Variants in KRTAP4-9 observed in about 807,000 individuals in gnomAD.
The protein encoded by KRTAP4-9 is keratin-associated protein 4-9.
KRTAP4-9 carries 4 observed loss-of-function variants against 4.3 expected under a neutral mutation model. The observed-to-expected ratio is 0.94, with a 90% CI of 0.46 to 2.15. KRTAP4-9 has a LOEUF of 2.15. Among genes scored for constraint, KRTAP4-9 ranks in the 30% most tolerant of loss-of-function variants. KRTAP4-9 has a pLI of 0.02. For synonymous variants in KRTAP4-9, 111 were observed against 99.2 expected, an observed-to-expected ratio of 1.12 and a Z score of -0.70; for missense variants, 297 against 278.5, an observed-to-expected ratio of 1.07 and a Z score of -0.47.
At chr17:41,105,763 T>C (rs376253266) in exon 1 of KRTAP4-9, 50,302 of 1,577,458 alleles carry the variant, frequency 0.032, 914 homozygotes, top group South Asian at 0.052. Context: ...CCAGCTGCTG[T>C]CGCCCCAGCT....
chr17:41,106,333 T>C (rs1288239071), exon 1 of KRTAP4-9: 2 of 495,396 alleles, frequency 4.0e-6, no homozygotes, highest in Non-Finnish European at 7.1e-6. Context: ...ACAGATCTTC[T>C]TCTCAGTGAG....
exon 1 of KRTAP4-9, chr17:41,106,316 T>A: frequency 1.8e-6 from 1 of 564,994 alleles, no homozygotes; most frequent in Non-Finnish European, 3.1e-6. Context: ...CTTTATCACT[T>A]TGAGGTACAG....
exon 1 of KRTAP4-9, chr17:41,106,184 C>T: frequency 2.4e-6 from 3 of 1,246,288 alleles, no homozygotes; most frequent in Non-Finnish European, 2.2e-6. Flanking sequence ...TCTTTGAGAA[C>T]ATTCTGATTC....
chr17:41,105,703 T>A lies in KRTAP4-9; in HGVS notation c.315T>A (p.Cys105Ter). 1 of 1,559,020 alleles carries A rather than the reference T, an allele frequency of 6.4e-7. No homozygotes were observed. Residue 105 changes from cysteine to a stop codon, truncating the protein, a stop_gained, in exon 1 of 1, where the codon TGT becomes TGA. Coordinates refer to ENST00000391415, the Ensembl canonical transcript of KRTAP4-9. LOFTEE classifies it low-confidence loss of function (END_TRUNC). ...CTGCGTGCTGCCAACCCACTTGCTG[T>A]CGCCCCAGCTGCTGTGAGACGACCT...
exon 1 of KRTAP4-9, chr17:41,105,472 C>T: frequency 6.2e-7 from 1 of 1,603,334 alleles, no homozygotes; most frequent in Non-Finnish European, 8.5e-7. Context: ...GCCGCCCCAG[C>T]TGCTGTGAGA....
At chr17:41,106,309 T>G in exon 1 of KRTAP4-9, 1 of 583,858 alleles carries the variant, frequency 1.7e-6, no homozygotes, top group South Asian at 2.8e-5. Flanking sequence ...TCATTTTCTT[T>G]ATCACTTTGA....
chr17:41,106,206 C>T, exon 1 of KRTAP4-9: 1 of 1,116,510 alleles, frequency 9.0e-7, no homozygotes, highest in Non-Finnish European at 1.2e-6. Context: ...TTTTAAACTC[C>T]CTCCCTTGCT....
At chr17:41,105,909 G>A (rs757225204) in exon 1 of KRTAP4-9, 50 of 1,608,800 alleles carry the variant, frequency 3.1e-5, no homozygotes, top group Non-Finnish European at 4.0e-5. Flanking sequence ...CGCCCCTGCT[G>A]CTGCGTGCGT....
chr17:41,106,305 T>G lies in KRTAP4-9; in HGVS notation c.*284T>G, dbSNP rs181057256. The G allele has an allele frequency of 2.9e-5, 17 of 593,500 alleles. No individual in the cohort carries two copies. In the East Asian group the frequency reaches 5.2e-4, roughly 18 times the overall value. 36.8% of individuals were successfully genotyped at this position (593,500 alleles called of 1,614,324 possible). The stretch of plus-strand genomic sequence containing the variant: ...TTCCAATCCTCTAATTTCCTCATTT[T>G]CTTTATCACTTTGAGGTACAGATCT... On this transcript the variant is annotated 3_prime_UTR_variant, in exon 1 of 1. Coordinates refer to ENST00000391415, the Ensembl canonical transcript of KRTAP4-9.
exon 1 of KRTAP4-9, chr17:41,106,313 A>C: frequency 1.8e-6 from 1 of 558,718 alleles, no homozygotes; most frequent in Non-Finnish European, 3.1e-6. Context: ...TTTCTTTATC[A>C]CTTTGAGGTA....
exon 1 of KRTAP4-9, chr17:41,106,359 AG>A: frequency 2.4e-6 from 1 of 411,858 alleles, no homozygotes; most frequent in South Asian, 5.2e-5. Context: ...CATTATCTGC[AG>A]GACCAGTTTT....
chr17:41,106,013 T>G (rs887357935), exon 1 of KRTAP4-9: 2 of 1,582,988 alleles, frequency 1.3e-6, no homozygotes, highest in Non-Finnish European at 8.6e-7. Context: ...TGCCTCCTCT[T>G]GCTGCTGAGC....
At chr17:41,105,621 C>T (rs1377604020) in exon 1 of KRTAP4-9, 1 of 1,596,586 alleles carries the variant, frequency 6.3e-7, no homozygotes, top group African/African-American at 1.4e-5. Context: ...TGCAGGACCA[C>T]CTGCTACCGC....
At chr17:41,105,955 C>T (rs558806526) in exon 1 of KRTAP4-9, 15 of 1,604,594 alleles carry the variant, frequency 9.3e-6, no homozygotes, top group Admixed American at 5.1e-5. Flanking sequence ...ACACCACTTG[C>T]TATCGCCCAA....
rs749285485 is a variant in KRTAP4-9 at position 41,105,426 on chromosome 17, A to T, written c.38A>T (p.Gln13Leu). The change falls in exon 1 of 1, where the codon CAG (glutamine) becomes CTG (leucine). Residue 13 changes from glutamine to leucine, a missense_variant. Coordinates refer to ENST00000391415, the Ensembl canonical transcript of KRTAP4-9. The stretch of plus-strand genomic sequence containing the variant: ...TGTTGTGGCTCCGTGTGCTCTGACC[A>T]GGGCTGCGGCCAAGACCTCTGTCAG... 1.9e-6 allele frequency: 3 copies of T among 1,612,226 alleles called. No individual in the cohort carries two copies. In the African/African-American group the frequency reaches 4.0e-5, roughly 22 times the overall value.
At chr17:41,105,392 G>A (rs776080468) in exon 1 of KRTAP4-9, 3 of 1,592,046 alleles carry the variant, frequency 1.9e-6, no homozygotes, top group African/African-American at 1.4e-5. Flanking sequence ...TGACACCATG[G>A]TCAGCTCCTG....
chr17:41,105,498 C>A lies in KRTAP4-9; in HGVS notation c.110C>A (p.Thr37Asn). The A allele has an allele frequency of 1.9e-6, 3 of 1,566,918 alleles. No individual in the cohort carries two copies. The South Asian group carries it at 3.4e-5, about 18-fold the overall frequency. Residue 37 changes from threonine to asparagine, a missense_variant, in exon 1 of 1, where the codon ACC becomes AAC. By Grantham distance (65) the Thr-to-Asn change is moderately conservative. Coordinates refer to ENST00000391415, the Ensembl canonical transcript of KRTAP4-9. ...TGCTGTGAGACCACCTGCTGCAGGA[C>A]CACCTGCTGCCGCCCCAGCTGTTGT...
exon 1 of KRTAP4-9, chr17:41,105,862 C>A: frequency 2.3e-5 from 36 of 1,532,212 alleles, no homozygotes; most frequent in Non-Finnish European, 3.0e-5. Context: ...GCATCTCCAG[C>A]TGCTGCCGCC....
chr17:41,105,853 C>T (rs2014079528), exon 1 of KRTAP4-9: 1 of 1,611,294 alleles, frequency 6.2e-7, no homozygotes, highest in Non-Finnish European at 8.5e-7. Flanking sequence ...CCAGCTGCAG[C>T]ATCTCCAGCT....
Sources: allele counts gnomAD v4.1 joint callset, GRCh38; gene constraint gnomAD v4.1.1; transcripts MANE v1.5; gene names NCBI Gene and HGNC (gene_info 2026-07-23, HGNC 2026-07-21).